SCOC: variants seen among roughly 807,000 people sequenced by gnomAD.
The protein encoded by SCOC is short coiled-coil protein.
A neutral mutation model predicts 9.9 loss-of-function variants in SCOC; 7 were observed. That is an observed-to-expected ratio of 0.71 (90% CI 0.40 to 1.33). The LOEUF is 1.33. Ranked by LOEUF, SCOC falls within the 40% of genes most tolerant of loss-of-function variation. SCOC has a pLI of 0.01. For synonymous variants in SCOC, 19 were observed against 28.2 expected (o/e 0.67, Z 1.03); for missense variants, 66 against 89.7 (o/e 0.74, Z 1.07).
At chr4:140,332,655 G>A (rs952446139) in intron 1 of SCOC, among the ~76,000 whole-genome samples, 2 of 151,958 alleles carry the variant, frequency 1.3e-5, no homozygotes, top group African/African-American at 4.8e-5. Flanking sequence ...GGGATTACAG[G>A]CATAAGCCAC....
Position 140,373,763 on chromosome 4 carries a change from G to C in SCOC, c.-51+46G>C, listed in dbSNP as rs1216989238. On this transcript the variant is annotated intron_variant, in intron 1 of 3. Coordinates refer to ENST00000608372, the MANE Select transcript of SCOC (RefSeq NM_001153484.2). The stretch of plus-strand genomic sequence containing the variant: ...CGGAGGGCCTGGCCCCAGGCGACTA[G>C]AGCTGCATCCTCAGTACCTCCGAGG... The C allele has an allele frequency of 2.6e-6, 4 of 1,520,016 alleles. No individual in the cohort carries two copies. In the African/African-American group the frequency reaches 4.1e-5, roughly 16 times the overall value. 94.2% of individuals were successfully genotyped at this position (1,520,016 alleles called of 1,614,324 possible). A position where few individuals can be genotyped will look rare whatever the true frequency, so the allele number is the denominator to read the frequency against.
chr4:140,377,832 C>T (rs1728404917), intron 1 of SCOC, among the ~76,000 whole-genome samples: 2 of 152,130 alleles, frequency 1.3e-5, no homozygotes, highest in Non-Finnish European at 2.9e-5. Context: ...GGTCTGCTTT[C>T]TACTGTTTAA....
At chr4:140,325,977 C>T (rs953612035) in intron 1 of SCOC, among the ~76,000 whole-genome samples, 1 of 152,180 alleles carries the variant, frequency 6.6e-6, no homozygotes, top group Non-Finnish European at 1.5e-5. Flanking sequence ...TATATCCGTA[C>T]AGTAGGCTAT....
chr4:140,258,273 T>C (rs1024758151), intron 1 of SCOC, among the ~76,000 whole-genome samples: 1 of 152,204 alleles, frequency 6.6e-6, no homozygotes, highest in African/African-American at 2.4e-5. Context: ...TCCCCAGATT[T>C]TACCCATATC....
upstream of SCOC, among the ~76,000 whole-genome samples, chr4:140,339,696 A>G (rs1361312948): frequency 3.9e-5 from 6 of 152,260 alleles, no homozygotes; most frequent in Admixed American, 3.9e-4. Flanking sequence ...AGACACATGA[A>G]AAAATGCTCA....
At chr4:140,299,434 T>C (rs564215802) in intron 1 of SCOC, among the ~76,000 whole-genome samples, 1 of 152,322 alleles carries the variant, frequency 6.6e-6, no homozygotes, top group South Asian at 2.1e-4. Context: ...TTTTTCAATT[T>C]TTTTCTTTTA....
At chr4:140,258,713 G>A (rs1046058708) in intron 1 of SCOC, among the ~76,000 whole-genome samples, 1 of 152,166 alleles carries the variant, frequency 6.6e-6, no homozygotes, top group Non-Finnish European at 1.5e-5. Flanking sequence ...TTCTCTTTCT[G>A]AGTTGTTGAG....
chr4:140,362,315 T>TTTTTTTTTTTG (rs1246280908), intron 2 of SCOC, among the ~76,000 whole-genome samples: 1 of 82,104 alleles, frequency 1.2e-5, no homozygotes, highest in Non-Finnish European at 2.7e-5. Flanking sequence ...TTTTTTTTTT[T>TTTTTTTTTTTG]GTGAGAGTCT....
intron 1 of SCOC, among the ~76,000 whole-genome samples, chr4:140,309,202 C>T (rs1444171792): frequency 6.6e-6 from 1 of 152,204 alleles, no homozygotes; most frequent in Non-Finnish European, 1.5e-5. Flanking sequence ...AAGAGTCACG[C>T]AGCACCAGTG....
chr4:140,258,297 C>A (rs1489121633), intron 1 of SCOC, among the ~76,000 whole-genome samples: 1 of 152,212 alleles, frequency 6.6e-6, no homozygotes, highest in Admixed American at 6.5e-5. Context: ...TTGGAGAATT[C>A]ATCTTGTCCC....
rs148132940 is a variant in SCOC at position 140,299,159 on chromosome 4, C to A, written c.-19+41749C>A. Among the ~76,000 whole-genome samples, 474 of 152,160 alleles carry A rather than the reference C, an allele frequency of 3.1e-3. 2 individuals carry two copies. The highest frequency in any genetic ancestry group is 0.011 in the African/African-American group (454 of 41,524). On this transcript the variant is annotated intron_variant, in intron 1 of 4. Transcript: ENST00000394205. ...ATTTTTTGTAGGTACATAGTAGGTG[C>A]GTATATTTATGGGTTACGTGAGAAA...
At position 140,381,641 on chromosome 4, in the gene SCOC, A is replaced by G. The variant is rs891688813; in HGVS notation, c.*537A>G. 6 of 152,250 alleles carry G rather than the reference A, an allele frequency of 3.9e-5. No individual in the cohort carries two copies. Among genetic ancestry groups the G allele is most frequent in the African/African-American group, 1.4e-4 (6 of 41,472 alleles). The allele number at this position is 152,250 out of a possible 1,614,324, so 9.4% of individuals were successfully genotyped here. On this transcript the variant is annotated 3_prime_UTR_variant, in exon 4 of 4. Coordinates refer to ENST00000608372, the MANE Select transcript of SCOC (RefSeq NM_001153484.2). ...TTTTAATTGTTGAAACTTAACCAAAATAAGATACTGTCTCAGCTAGGGCTT... is the reference window on the plus strand; with the variant it reads ...TTTTAATTGTTGAAACTTAACCAAAGTAAGATACTGTCTCAGCTAGGGCTT...
upstream of SCOC, chr4:140,369,255 A>G (rs1450281078): frequency 4.5e-6 from 2 of 449,298 alleles, no homozygotes; most frequent in Admixed American, 4.9e-5. Flanking sequence ...GTAGTATACA[A>G]TTACGTCTAG....
chr4:140,300,715 C>T (rs991413690), intron 1 of SCOC, among the ~76,000 whole-genome samples: 1 of 152,224 alleles, frequency 6.6e-6, no homozygotes, highest in East Asian at 1.9e-4. Flanking sequence ...GAAAGGGAAT[C>T]CTTCTGAGAC....
intron 1 of SCOC, among the ~76,000 whole-genome samples, chr4:140,323,942 C>T (rs761870671): frequency 3.3e-5 from 5 of 151,896 alleles, no homozygotes; most frequent in Non-Finnish European, 5.9e-5. Context: ...GCCCAAGATA[C>T]GTCATGAAAA....
At chr4:140,271,481 G>A (rs531558053) in intron 1 of SCOC, among the ~76,000 whole-genome samples, 9 of 152,314 alleles carry the variant, frequency 5.9e-5, no homozygotes, top group Middle Eastern at 6.8e-3. Context: ...ATGTGCAAAA[G>A]GTTTGGCACT....
rs563692679 is a variant in SCOC, at chr4:140,277,341, T to C, written c.-19+19931T>C. ...GGGGGGGCAGGGGGTAGGGGAGCTG[T>C]TGTGAATCACCAAGTCTCTTTTGTG... is the stretch of plus-strand genomic sequence containing the variant. On this transcript the variant is annotated intron_variant, in intron 1 of 4. Coordinates refer to the SCOC transcript ENST00000394205. Among the ~76,000 whole-genome samples, 7 of 152,262 alleles carry C rather than the reference T, an allele frequency of 4.6e-5. No individual in the cohort carries two copies. The South Asian group carries it at 1.5e-3, about 32-fold the overall frequency.
At chr4:140,375,892 G>A (rs1244293898) in intron 1 of SCOC, among the ~76,000 whole-genome samples, 1 of 152,158 alleles carries the variant, frequency 6.6e-6, no homozygotes, top group Non-Finnish European at 1.5e-5. Context: ...TTTAGGATAG[G>A]CAGAGCAGCC....
At chr4:140,376,418 A>G (rs1177684277) in intron 1 of SCOC, 1 of 152,180 alleles carries the variant, frequency 6.6e-6, no homozygotes, top group Non-Finnish European at 1.5e-5. Flanking sequence ...CCACTGTACT[A>G]AAGAGTAATG....
Sources: gnomAD v4.1 joint callset for allele counts (sites outside exome capture counted in the v4.1 genomes callset) on GRCh38, gnomAD v4.1.1 for gene constraint, MANE v1.5 for transcripts, NCBI Gene and HGNC (gene_info 2026-07-23, HGNC 2026-07-21) for gene names.